The following WASF1 variants were observed in gnomAD, a reference collection of about 807,000 sequenced individuals.
The protein encoded by WASF1 is WASP family member 1.
Under a neutral mutation model 50.5 loss-of-function variants are expected in WASF1, and 7 were observed. That is an observed-to-expected ratio of 0.14 (90% confidence interval 0.08 to 0.26). The LOEUF (loss-of-function observed/expected upper bound fraction) is 0.26, where lower values mean the gene tolerates loss of function less well. Ranked by LOEUF, WASF1 falls within the 10% of genes least tolerant of loss-of-function variation. The pLI, the probability that WASF1 is intolerant of heterozygous loss-of-function variation, is 1.00. For synonymous variants in WASF1, 205 were observed against 244.0 expected (o/e 0.84, Z 1.49); for missense variants, 470 against 694.7 (o/e 0.68, Z 3.64).
intron 3 of WASF1, among the ~76,000 whole-genome samples, chr6:110,141,698 A>C (rs1014601863): frequency 6.6e-6 from 1 of 152,220 alleles, no homozygotes; most frequent in Non-Finnish European, 1.5e-5. Context: ...AAGAAATAAC[A>C]AAATCATGAG....
At chr6:110,153,994 AGG>A (rs1335819931) in intron 3 of WASF1, among the ~76,000 whole-genome samples, 1 of 152,142 alleles carries the variant, frequency 6.6e-6, no homozygotes, top group Non-Finnish European at 1.5e-5. Flanking sequence ...AGAAGAGTTG[AGG>A]ATACATTTGG....
At chr6:110,130,163 T>C (rs1423339748) in intron 3 of WASF1, among the ~76,000 whole-genome samples, 1 of 152,238 alleles carries the variant, frequency 6.6e-6, no homozygotes, top group Admixed American at 6.5e-5. Flanking sequence ...TTGTTTAGCA[T>C]TCTCTCCACA....
chr6:110,178,980 G>A (rs1777068345), intron 1 of WASF1, among the ~76,000 whole-genome samples: 2 of 152,228 alleles, frequency 1.3e-5, no homozygotes, highest in Admixed American at 1.3e-4. Context: ...TTCAGACACC[G>A]ACTCGCGGAG....
At chr6:110,142,675 T>C (rs1383506101) in intron 3 of WASF1, among the ~76,000 whole-genome samples, 1 of 152,018 alleles carries the variant, frequency 6.6e-6, no homozygotes, top group East Asian at 1.9e-4. Flanking sequence ...AGGTATAATT[T>C]AATCATCAAG....
intron 2 of WASF1, among the ~76,000 whole-genome samples, chr6:110,169,934 A>G (rs1448599924): frequency 4.6e-5 from 7 of 151,732 alleles, no homozygotes; most frequent in Non-Finnish European, 8.8e-5. Context: ...CAACCACGAT[A>G]AATACCAGAA....
chr6:110,153,696 A>AAGTTCGAGACCAGCTTGGACAACAT (rs1334951441), intron 3 of WASF1, among the ~76,000 whole-genome samples: 3 of 151,982 alleles, frequency 2.0e-5, no homozygotes, highest in Admixed American at 6.6e-5. Flanking sequence ...TTGAGCTCAG[A>AAGTTCGAGACCAGCTTGGACAACAT]AGTTCGAGAC....
intron 4 of WASF1, among the ~76,000 whole-genome samples, chr6:110,120,273 T>C (rs149939542): frequency 6.3e-4 from 96 of 152,324 alleles, no homozygotes; most frequent in African/African-American, 1.9e-3. Context: ...GATGACATGA[T>C]TGTATATTTA....
At position 110,108,621 on chromosome 6, in the gene WASF1, T is replaced by C; in HGVS notation, c.329A>G (p.Gln110Arg). 1 of 1,614,138 alleles carries C rather than the reference T, an allele frequency of 6.2e-7. No homozygotes were observed. The highest frequency in any genetic ancestry group is 8.5e-7 in the Non-Finnish European group (1 of 1,179,986). The change falls in exon 6 of 11, where the codon CAG (glutamine) becomes CGG (arginine). Residue 110 changes from glutamine (Q) to arginine (R), a missense_variant. Around this residue, in one of 3 missense-constraint regions of WASF1, gnomAD observed 140 missense variants for 260.5 expected, o/e 0.54. Transcript: ENST00000392589. The stretch of plus-strand genomic sequence containing the variant: ...AGGCAAAGTCTTGCGATCGAAAAGC[T>C]GCTGGTCTTGAATTGTAGAACTTCG... ...AFRSSTIQDQ[Q>R]LFDRKTLPIP...
At chr6:110,162,208 C>T (rs1584023571) in intron 2 of WASF1, among the ~76,000 whole-genome samples, 1 of 151,292 alleles carries the variant, frequency 6.6e-6, no homozygotes, top group Admixed American at 6.6e-5. Flanking sequence ...AGAATATAGA[C>T]AAATTCTGCT....
intron 6 of WASF1, among the ~76,000 whole-genome samples, chr6:110,107,687 C>T (rs937934567): frequency 6.6e-6 from 1 of 152,204 alleles, no homozygotes; most frequent in African/African-American, 2.4e-5. Flanking sequence ...CTTACAATTT[C>T]AAATAACTCT....
chr6:110,123,905 A>G (rs1419250710), intron 4 of WASF1, among the ~76,000 whole-genome samples: 19 of 152,128 alleles, frequency 1.2e-4, no homozygotes. Flanking sequence ...CATAAGAGAA[A>G]AGCCAGGGGA....
At chr6:110,108,763 T>A (rs1425528063) in intron 5 of WASF1, 82 bp from the exon 6 acceptor site, 1 of 1,364,794 alleles carries the variant, frequency 7.3e-7, no homozygotes, top group East Asian at 2.5e-5. Context: ...ACTTTATTTG[T>A]CTAAAAGTCA....
chr6:110,174,410 T>C (rs943443872), intron 2 of WASF1, among the ~76,000 whole-genome samples: 22 of 152,168 alleles, frequency 1.4e-4, no homozygotes, highest in African/African-American at 5.1e-4. Context: ...TTATGAACTA[T>C]GAATCACTGG....
chr6:110,117,361 G>A (rs547829299), intron 4 of WASF1, among the ~76,000 whole-genome samples: 4 of 152,248 alleles, frequency 2.6e-5, no homozygotes, highest in East Asian at 3.9e-4. Flanking sequence ...ACTTTGTGAC[G>A]CATGCACAAG....
At chr6:110,161,901 C>A (rs1244076460) in intron 2 of WASF1, among the ~76,000 whole-genome samples, 2 of 151,378 alleles carry the variant, frequency 1.3e-5, no homozygotes, top group African/African-American at 4.8e-5. Flanking sequence ...AATATGATTA[C>A]CCACATATGC....
chr6:110,176,149 ATAAACT>A lies in WASF1; in HGVS notation c.-127+2443_-127+2448del, dbSNP rs201025333. On this transcript the variant is annotated intron_variant, in intron 2 of 10. Transcript: ENST00000392589. ...GACTCAAAATTATAAGCTGAATGTG[ATAAACT>A]TAAAACACAAGATTCTTAATTTTAT... is the stretch of plus-strand genomic sequence containing the variant. 9.1e-4 allele frequency among the ~76,000 whole-genome samples: 138 copies of A among 152,174 alleles called. 1 individual carries two copies. In the East Asian group the frequency reaches 0.025, roughly 28 times the overall value.
chr6:110,137,727 T>C (rs1775032038), intron 3 of WASF1, among the ~76,000 whole-genome samples: 1 of 152,142 alleles, frequency 6.6e-6, no homozygotes, highest in South Asian at 2.1e-4. Context: ...CACACTGTCA[T>C]AAGATGGAAT....
intron 3 of WASF1, among the ~76,000 whole-genome samples, chr6:110,140,266 G>C (rs1017482726): frequency 3.3e-5 from 5 of 152,202 alleles, no homozygotes; most frequent in African/African-American, 1.2e-4. Context: ...GAGGTTCCTG[G>C]AAAGTGGTAT....
At chr6:110,105,692 A>G in intron 7 of WASF1, 113 bp from the exon 8 acceptor site, 3 of 990,112 alleles carry the variant, frequency 3.0e-6, no homozygotes, top group Admixed American at 2.5e-5. Context: ...CAATGTCATC[A>G]TAATATAGTA....
Sources: gnomAD v4.1 joint callset for allele counts (sites outside exome capture counted in the v4.1 genomes callset) on GRCh38, gnomAD v4.1.1 for gene constraint, gnomAD v4.1.1 regional missense constraint, MANE v1.5 for transcripts, NCBI Gene and HGNC (gene_info 2026-07-23, HGNC 2026-07-21) for gene names.